HS3ST3A1: variants seen among roughly 807,000 people sequenced by gnomAD.
The protein encoded by HS3ST3A1 is heparan sulfate glucosamine 3-O-sulfotransferase 3A1.
In HS3ST3A1, 19 loss-of-function variants were observed where a neutral mutation model predicts 25.7. That is an observed-to-expected ratio of 0.74 (90% confidence interval 0.52 to 1.08). The LOEUF is 1.08. Among genes scored for constraint, HS3ST3A1 ranks in the 50% least tolerant of loss-of-function variants. HS3ST3A1 has a pLI of 0.00. For synonymous variants in HS3ST3A1, 226 were observed against 278.6 expected, an observed-to-expected ratio of 0.81 and a Z score of 1.88; for missense variants, 459 against 594.3, an observed-to-expected ratio of 0.77 and a Z score of 2.37.
intron 1 of HS3ST3A1, among the ~76,000 whole-genome samples, chr17:13,571,206 G>C (rs1370067237): frequency 6.6e-6 from 1 of 152,128 alleles, no homozygotes; most frequent in Non-Finnish European, 1.5e-5. Context: ...CAGTTTCCTT[G>C]TGACACATGT....
At chr17:13,511,173 TAC>T (rs1905848080) in intron 1 of HS3ST3A1, among the ~76,000 whole-genome samples, 1 of 152,210 alleles carries the variant, frequency 6.6e-6, no homozygotes, top group Admixed American at 6.5e-5. Context: ...ACAAATTGCA[TAC>T]ACACACAAAT....
At chr17:13,581,383 C>T (rs1233663886) in intron 1 of HS3ST3A1, among the ~76,000 whole-genome samples, 5 of 150,370 alleles carry the variant, frequency 3.3e-5, no homozygotes, top group African/African-American at 1.2e-4. Flanking sequence ...ATGAGAATCA[C>T]TTGAACCCGG....
At chr17:13,547,322 TG>T (rs771568572) in intron 1 of HS3ST3A1, among the ~76,000 whole-genome samples, 1 of 152,070 alleles carries the variant, frequency 6.6e-6, no homozygotes, top group Non-Finnish European at 1.5e-5. Flanking sequence ...GACTGATGGT[TG>T]GGGGGCCCCT....
intron 1 of HS3ST3A1, among the ~76,000 whole-genome samples, chr17:13,584,113 C>T (rs961115179): frequency 6.6e-6 from 1 of 152,140 alleles, no homozygotes; most frequent in Non-Finnish European, 1.5e-5. Flanking sequence ...ATGGTTAAAA[C>T]TTTTTAAAAG....
chr17:13,574,335 G>A lies in HS3ST3A1; in HGVS notation c.599+26196C>T, dbSNP rs181993773. Among the ~76,000 whole-genome samples the A allele has an allele frequency of 9.9e-5, 15 of 151,330 alleles. No individual in the cohort carries two copies. In the East Asian group the frequency reaches 1.0e-3, roughly 10 times the overall value. ...TTTTTAGTAGAGACGGGTTTTCACC[G>A]TGTTAGCTAAGATGGTCTCGAACTC... is the stretch of plus-strand genomic sequence containing the variant. On this transcript the variant is annotated intron_variant, in intron 1 of 1. Transcript: ENST00000284110.
chr17:13,526,472 TTTTATATATATATATATA>T (rs1456741940), intron 1 of HS3ST3A1, among the ~76,000 whole-genome samples: 1,320 of 58,364 alleles, frequency 0.023, 48 homozygotes, highest in African/African-American at 0.071. Context: ...CAACTTTAAT[TTTTATATATATATATATA>T]TATATATATA....
chr17:13,560,060 C>T (rs1024265159), intron 1 of HS3ST3A1, among the ~76,000 whole-genome samples: 3 of 151,544 alleles, frequency 2.0e-5, no homozygotes, highest in Non-Finnish European at 4.4e-5. Flanking sequence ...GAGGCCGAGG[C>T]AGGCAGATCA....
intron 1 of HS3ST3A1, among the ~76,000 whole-genome samples, chr17:13,503,518 A>G (rs1705247454): frequency 6.6e-6 from 1 of 152,200 alleles, no homozygotes; most frequent in African/African-American, 2.4e-5. Flanking sequence ...TTGTATATAT[A>G]TTGAAATATC....
At chr17:13,557,169 G>A (rs1188554266) in intron 1 of HS3ST3A1, among the ~76,000 whole-genome samples, 1 of 152,200 alleles carries the variant, frequency 6.6e-6, no homozygotes, top group Non-Finnish European at 1.5e-5. Flanking sequence ...GCCCAGAAAT[G>A]TTTCCTTAAT....
chr17:13,543,860 C>T (rs1344279577), intron 1 of HS3ST3A1, among the ~76,000 whole-genome samples: 1 of 152,120 alleles, frequency 6.6e-6, no homozygotes, highest in Admixed American at 6.5e-5. Flanking sequence ...TGTTGGACTA[C>T]CAGGACTCTA....
intron 1 of HS3ST3A1, among the ~76,000 whole-genome samples, chr17:13,512,168 G>A (rs1025144967): frequency 1.3e-5 from 2 of 151,816 alleles, no homozygotes; most frequent in Non-Finnish European, 2.9e-5. Flanking sequence ...GCGCGGTGGC[G>A]GGCGCCTGTA....
chr17:13,520,004 A>G (rs571594746), intron 1 of HS3ST3A1, among the ~76,000 whole-genome samples: 7 of 152,350 alleles, frequency 4.6e-5, no homozygotes, highest in Middle Eastern at 6.8e-3. Context: ...ACCTGATTCC[A>G]TCTCCTAATA....
chr17:13,560,300 A>G (rs2064469201), intron 1 of HS3ST3A1, among the ~76,000 whole-genome samples: 1 of 138,236 alleles, frequency 7.2e-6, no homozygotes, highest in Non-Finnish European at 1.6e-5. Context: ...AAAAAAAAAA[A>G]AAAAAAAAAA....
In HS3ST3A1 at chr17:13,496,741, G is replaced by T; in HGVS notation, c.677C>A (p.Pro226His). The T allele has an allele frequency of 6.2e-7, 1 of 1,614,136 alleles. No individual in the cohort carries two copies. Among genetic ancestry groups the T allele is most frequent in the African/African-American group, 1.3e-5 (1 of 75,044 alleles). Residue 226 changes from proline (P) to histidine (H), a missense_variant, in exon 2 of 2, where the codon CCC becomes CAC. Physicochemically the swap from Pro to His is moderately conservative, Grantham distance 77. This residue lies in a region of HS3ST3A1 where 67 missense variants were observed against 231.4 expected (regional missense o/e 0.29). Coordinates refer to ENST00000284110, the MANE Select transcript of HS3ST3A1 (RefSeq NM_006042.3). The stretch of plus-strand genomic sequence containing the variant: ...CTTGGACATGGCCGAGATGCGCGCG[G>T]GGGCCTCCCGCGTGACGAAGTAACT... Reference protein sequence around the residue: ...TPSYFVTREAPARISAMSKDT... With the variant: ...TPSYFVTREAHARISAMSKDT...
chr17:13,555,361 C>T (rs960027916), intron 1 of HS3ST3A1, among the ~76,000 whole-genome samples: 1 of 152,178 alleles, frequency 6.6e-6, no homozygotes, highest in African/African-American at 2.4e-5. Context: ...ACATTAAACC[C>T]ATTTCACTTA....
intron 1 of HS3ST3A1, among the ~76,000 whole-genome samples, chr17:13,588,689 A>T (rs1178671057): frequency 2.7e-5 from 4 of 147,012 alleles, no homozygotes; most frequent in African/African-American, 2.5e-5. Context: ...ATGTAGTTCC[A>T]TTTTTTTTTT....
At chr17:13,578,751 G>A (rs1033947800) in intron 1 of HS3ST3A1, among the ~76,000 whole-genome samples, 2 of 152,154 alleles carry the variant, frequency 1.3e-5, no homozygotes, top group Middle Eastern at 3.4e-3. Context: ...CATAACACCA[G>A]ACACACCCTA....
chr17:13,561,174 T>C (rs1907538154), intron 1 of HS3ST3A1, among the ~76,000 whole-genome samples: 2 of 152,152 alleles, frequency 1.3e-5, no homozygotes, highest in Non-Finnish European at 1.5e-5. Context: ...TGCTGGTATT[T>C]ACAAGCTCCC....
chr17:13,515,772 G>T (rs758780586), intron 1 of HS3ST3A1, among the ~76,000 whole-genome samples: 2 of 152,026 alleles, frequency 1.3e-5, no homozygotes. Context: ...ATGTATGAGG[G>T]TTTCTTTTGC....
Sources: allele counts gnomAD v4.1 joint callset (sites outside exome capture counted in the v4.1 genomes callset), GRCh38; gene constraint gnomAD v4.1.1; regional missense constraint gnomAD v4.1.1; transcripts MANE v1.5; gene names NCBI Gene and HGNC (gene_info 2026-07-23, HGNC 2026-07-21).